C1orf159: variants seen among roughly 807,000 people sequenced by gnomAD.
C1orf159 encodes the protein uncharacterized protein C1orf159.
C1orf159 carries 19 observed loss-of-function variants against 25.6 expected under a neutral mutation model. The observed-to-expected ratio is 0.74, with a 90% CI of 0.52 to 1.09. The LOEUF (loss-of-function observed/expected upper bound fraction) is 1.09. C1orf159 is among the 50% of genes least tolerant of loss of function. C1orf159 has a pLI of 0.00. For missense variants in C1orf159, 274 were observed against 290.6 expected (o/e 0.94, Z 0.42); for synonymous variants, 139 against 124.7 (o/e 1.12, Z -0.77).
intron 1 of C1orf159, among the ~76,000 whole-genome samples, chr1:1,113,190 C>T (rs576270230): frequency 0.013 from 1,690 of 132,766 alleles, 22 homozygotes; most frequent in African/African-American, 0.043. Context: ...AGACAGACTC[C>T]ATCTCAAAAA....
intron 1 of C1orf159, among the ~76,000 whole-genome samples, chr1:1,107,589 C>T (rs532250951): frequency 2.0e-5 from 3 of 152,306 alleles, no homozygotes; most frequent in South Asian, 4.1e-4. Flanking sequence ...GGATCGTAAA[C>T]GCACTAATCA....
intron 3 of C1orf159, 43 bp downstream of exon 3, chr1:1,091,429 G>C: frequency 6.6e-7 from 1 of 1,518,550 alleles, no homozygotes; most frequent in Admixed American, 2.0e-5. Context: ...CCTCCACAGA[G>C]GCTCTGGCTT....
rs1393898505 is a variant in C1orf159, at chr1:1,086,024, C to T, written c.311-12G>A. ...CACGCGCGGAGCCCCTGCAAACAGA[C>T]ACCGCTGAGCAGACGGGCAGGACGG... On this transcript the variant is annotated splice_polypyrimidine_tract_variant and intron_variant, in intron 6 of 9. Transcript: ENST00000421241. The T allele has an allele frequency of 3.7e-6, 6 of 1,612,312 alleles. No homozygotes were observed. The highest frequency in any genetic ancestry group is 1.7e-4 in the Middle Eastern group (1 of 6,004).
At chr1:1,111,795 T>C (rs1414807654) in intron 1 of C1orf159, among the ~76,000 whole-genome samples, 8 of 152,132 alleles carry the variant, frequency 5.3e-5, no homozygotes, top group Non-Finnish European at 1.2e-4. Context: ...GAGCTTCCAC[T>C]GCATCCGTGT....
At chr1:1,100,247 A>G (rs754362650) in intron 1 of C1orf159, among the ~76,000 whole-genome samples, 11 of 151,994 alleles carry the variant, frequency 7.2e-5, no homozygotes, top group Non-Finnish European at 1.0e-4. Context: ...TAATATAATT[A>G]TCATTATGGG....
At chr1:1,103,293 C>T (rs1041061589) in intron 1 of C1orf159, among the ~76,000 whole-genome samples, 5 of 152,204 alleles carry the variant, frequency 3.3e-5, no homozygotes, top group Non-Finnish European at 7.4e-5. Context: ...GCTTTTTTGA[C>T]TATTCCAACA....
chr1:1,100,593 G>A (rs1216886172), intron 1 of C1orf159, among the ~76,000 whole-genome samples: 7 of 152,150 alleles, frequency 4.6e-5, no homozygotes, highest in East Asian at 3.8e-4. Context: ...TGACACTATC[G>A]TTGGATTTCA....
intron 1 of C1orf159, among the ~76,000 whole-genome samples, chr1:1,098,425 A>G (rs1374645944): frequency 6.6e-6 from 1 of 152,124 alleles, no homozygotes; most frequent in Non-Finnish European, 1.5e-5. Flanking sequence ...CCCATGGTTT[A>G]TTCAATAGTG....
At position 1,090,367 on chromosome 1, in the gene C1orf159, C is replaced by T. The variant is rs1645908804; in HGVS notation, c.134G>A (p.Ser45Asn). 1 of 1,550,556 alleles carries T rather than the reference C, an allele frequency of 6.4e-7. No individual in the cohort carries two copies. The highest frequency in any genetic ancestry group is 2.4e-5 in the East Asian group (1 of 40,892). ...AAGCGGCTTACCTGGACCACACAGA[C>T]TTGCGCCTGGGCAGCTGGCGTTGAC... ...VGVNASCPGASLCGPGCYRRW... is the reference protein window; with the variant it reads ...VGVNASCPGANLCGPGCYRRW... The change falls in exon 4 of 10, where the codon AGT (serine) becomes AAT (asparagine). Residue 45 changes from serine (S) to asparagine (N), a missense_variant. Ser to Asn is a conservative substitution (Grantham distance 46, BLOSUM62 1). Transcript: ENST00000421241.
chr1:1,104,791 G>C (rs1646148744), intron 1 of C1orf159, among the ~76,000 whole-genome samples: 1 of 152,064 alleles, frequency 6.6e-6, no homozygotes, highest in African/African-American at 2.4e-5. Context: ...TCCAGCCTGG[G>C]CAACAGAGCG....
intron 9 of C1orf159, chr1:1,083,947 C>T (rs1292568064): frequency 6.3e-7 from 1 of 1,599,830 alleles, no homozygotes; most frequent in Non-Finnish European, 8.5e-7. Context: ...TGACCCAGCA[C>T]CACTGAAGCG....
At chr1:1,088,904 G>A (rs967855736) in intron 4 of C1orf159, among the ~76,000 whole-genome samples, 6 of 152,200 alleles carry the variant, frequency 3.9e-5, no homozygotes, top group Non-Finnish European at 8.8e-5. Flanking sequence ...GTCCTACCAG[G>A]GTGGAGCTGC....
chr1:1,086,264 C>T (rs777495143), intron 6 of C1orf159, among the ~76,000 whole-genome samples: 6 of 152,378 alleles, frequency 3.9e-5, no homozygotes, highest in Non-Finnish European at 7.3e-5. Context: ...CTCAGGAGCT[C>T]GGATGTTGGG....
At chr1:1,099,183 A>T (rs550759270) in intron 1 of C1orf159, among the ~76,000 whole-genome samples, 3 of 143,650 alleles carry the variant, frequency 2.1e-5, no homozygotes, top group East Asian at 4.1e-4. Flanking sequence ...AGAGATTAAA[A>T]TCTCCAACTA....
At chr1:1,112,451 A>C (rs796855666) in intron 1 of C1orf159, among the ~76,000 whole-genome samples, 53 of 151,522 alleles carry the variant, frequency 3.5e-4, no homozygotes, top group African/African-American at 1.3e-3. Context: ...CACACAGCGC[A>C]TGCTCCCTCC....
intron 4 of C1orf159, 122 bp downstream of exon 4, chr1:1,090,231 C>T (rs1294585088): frequency 2.6e-5 from 26 of 1,013,576 alleles, no homozygotes; most frequent in Non-Finnish European, 3.6e-5. Context: ...CTGCCCCATC[C>T]ACTCCCCAGG....
chr1:1,115,023 G>GA (rs767945818), intron 1 of C1orf159: 38 of 152,244 alleles, frequency 2.5e-4, no homozygotes, highest in African/African-American at 2.4e-4. Context: ...GTAACTTACG[G>GA]AAAAATAAAA....
chr1:1,089,484 G>C lies in C1orf159; in HGVS notation c.148+869C>G, dbSNP rs1018289065. 6.6e-6 allele frequency among the ~76,000 whole-genome samples: 1 copy of C among 152,010 alleles called. No individual in the cohort carries two copies. The highest frequency in any genetic ancestry group is 2.4e-5 in the African/African-American group (1 of 41,372). On this transcript the variant is annotated intron_variant, in intron 4 of 9. Transcript: ENST00000421241. The surrounding 1 kb of genome is among the most constrained non-coding windows in gnomAD (Gnocchi z 7.5). ...CGGTGCCCTCCTCCTCCTACCCTGCGTGTGCCTCAGATGTCATCACTGCCT... is the reference window on the plus strand; with the variant it reads ...CGGTGCCCTCCTCCTCCTACCCTGCCTGTGCCTCAGATGTCATCACTGCCT...
intron 1 of C1orf159, among the ~76,000 whole-genome samples, chr1:1,100,620 C>T (rs969120097): frequency 2.0e-5 from 3 of 152,120 alleles, no homozygotes; most frequent in East Asian, 1.9e-4. Context: ...CCGTTTTTAC[C>T]GTTTATTATT....
Sources: gnomAD v4.1 joint callset for allele counts (sites outside exome capture counted in the v4.1 genomes callset) on GRCh38, gnomAD v4.1.1 for gene constraint, Gnocchi (gnomAD v3.1) non-coding constraint, MANE v1.5 for transcripts, NCBI Gene and HGNC (gene_info 2026-07-23, HGNC 2026-07-21) for gene names.